VTA1: variants seen among roughly 807,000 people sequenced by gnomAD.
VTA1 encodes vacuolar protein sorting-associated protein VTA1 homolog.
A neutral mutation model predicts 36.9 loss-of-function variants in VTA1; 24 were observed. That is an observed-to-expected ratio of 0.65 (90% confidence interval 0.47 to 0.91). The LOEUF is 0.91. Among genes scored for constraint, VTA1 ranks in the 40% least tolerant of loss-of-function variants. VTA1 has a pLI of 0.00. For synonymous variants in VTA1, 142 were observed against 130.2 expected (o/e 1.09, Z -0.62); for missense variants, 393 against 377.2 (o/e 1.04, Z -0.35).
chr6:142,215,265 C>T (rs560391813), intron 7 of VTA1, among the ~76,000 whole-genome samples: 134 of 151,916 alleles, frequency 8.8e-4, no homozygotes, highest in Non-Finnish European at 1.5e-3. Flanking sequence ...GGTGAAACCC[C>T]GTCTCTACTA....
At chr6:142,171,434 T>A (rs1775027965) in intron 4 of VTA1, among the ~76,000 whole-genome samples, 1 of 152,182 alleles carries the variant, frequency 6.6e-6, no homozygotes, top group Non-Finnish European at 1.5e-5. Context: ...TCTGTTTAAT[T>A]TCTAGTCAGC....
At chr6:142,171,943 T>C (rs909295803) in intron 4 of VTA1, among the ~76,000 whole-genome samples, 9 of 152,188 alleles carry the variant, frequency 5.9e-5, no homozygotes, top group Non-Finnish European at 1.0e-4. Context: ...CTAAGCTTGA[T>C]GAGTATAAGC....
intron 6 of VTA1, 37 bp downstream of exon 6, chr6:142,198,652 C>CT (rs1016013582): frequency 6.5e-7 from 1 of 1,550,340 alleles, no homozygotes; most frequent in African/African-American, 1.4e-5. Flanking sequence ...TTTAATTCCC[C>CT]TTTTATAAAG....
In VTA1 at chr6:142,218,518, G is replaced by C; in HGVS notation, c.799G>C (p.Glu267Gln). The change falls in exon 8 of 8, where the codon GAA becomes CAA. Residue 267 changes from glutamate (E) to glutamine (Q), a missense_variant. Glu to Gln is a conservative substitution (Grantham distance 29). Transcript: ENST00000367630. ...ISQGDVRLTPEDFARAQKYCK... is the reference protein window; with the variant it reads ...ISQGDVRLTPQDFARAQKYCK... ...TCTAGGGGATGTTCGTCTAACCCCA[G>C]AAGACTTTGCTAGAGCTCAGAAGTA... 1 of 1,613,374 alleles carries C rather than the reference G, an allele frequency of 6.2e-7. No homozygotes were observed. Among genetic ancestry groups the C allele is most frequent in the Non-Finnish European group, 8.5e-7 (1 of 1,179,670 alleles).
chr6:142,199,156 T>TAG (rs1775629316), intron 6 of VTA1, among the ~76,000 whole-genome samples: 1 of 152,030 alleles, frequency 6.6e-6, no homozygotes, highest in Non-Finnish European at 1.5e-5. Context: ...TTTTTAACCT[T>TAG]ACACTTTAAA....
chr6:142,209,208 C>G (rs559406147), intron 7 of VTA1, among the ~76,000 whole-genome samples: 100 of 152,082 alleles, frequency 6.6e-4, no homozygotes, highest in Non-Finnish European at 1.2e-3. Context: ...GATACAGAAT[C>G]AACATACAAA....
chr6:142,187,022 T>C (rs1213915694), intron 4 of VTA1, among the ~76,000 whole-genome samples: 2 of 152,152 alleles, frequency 1.3e-5, no homozygotes, highest in African/African-American at 4.8e-5. Context: ...AGATAATTAT[T>C]ACTAAATAAA....
At position 142,189,598 on chromosome 6, in the gene VTA1, CAA is replaced by C. The variant is rs889552342; in HGVS notation, c.520+66_520+67del. 3.0e-6 allele frequency: 4 copies of C among 1,331,494 alleles called. No individual in the cohort carries two copies. In the South Asian group the frequency reaches 5.2e-5, roughly 17 times the overall value. 82.5% of individuals were successfully genotyped at this position (1,331,494 alleles called of 1,614,324 possible). On this transcript the variant is annotated intron_variant, in intron 5 of 7. Coordinates refer to ENST00000367630, the MANE Select transcript of VTA1 (RefSeq NM_016485.5). ...AATCATAATTATTCAGTAGATTACTCAAAGTTTTTGGAGGGAACAATACAGTT... is the reference window on the plus strand; with the variant it reads ...AATCATAATTATTCAGTAGATTACTCAGTTTTTGGAGGGAACAATACAGTT...
At chr6:142,178,223 G>T (rs1387799720) in intron 4 of VTA1, among the ~76,000 whole-genome samples, 1 of 152,098 alleles carries the variant, frequency 6.6e-6, no homozygotes, top group Non-Finnish European at 1.5e-5. Flanking sequence ...ACAGTGTTGT[G>T]AGGGATAGCT....
chr6:142,160,010 T>A (rs1389607255), intron 1 of VTA1, among the ~76,000 whole-genome samples: 3 of 152,198 alleles, frequency 2.0e-5, no homozygotes, highest in African/African-American at 7.2e-5. Flanking sequence ...GATCACATTT[T>A]CCTATCTGTT....
intron 4 of VTA1, among the ~76,000 whole-genome samples, chr6:142,187,744 A>T (rs1389211994): frequency 6.6e-6 from 1 of 152,126 alleles, no homozygotes; most frequent in Non-Finnish European, 1.5e-5. Flanking sequence ...AATGTGATAC[A>T]AATTTAGTAA....
intron 4 of VTA1, among the ~76,000 whole-genome samples, chr6:142,184,125 A>G (rs947183191): frequency 6.6e-6 from 1 of 152,204 alleles, no homozygotes; most frequent in Non-Finnish European, 1.5e-5. Flanking sequence ...TACTTGTAAA[A>G]TAGTTTTCTT....
intron 7 of VTA1, among the ~76,000 whole-genome samples, chr6:142,209,013 A>G (rs1451746689): frequency 6.6e-6 from 1 of 152,180 alleles, no homozygotes; most frequent in Non-Finnish European, 1.5e-5. Flanking sequence ...AGTATAGAGA[A>G]TAGAGCAATT....
At chr6:142,164,338 C>T (rs781292785) in intron 1 of VTA1, among the ~76,000 whole-genome samples, 20 of 151,816 alleles carry the variant, frequency 1.3e-4, no homozygotes, top group South Asian at 2.1e-4. Flanking sequence ...AAGTGCACTA[C>T]GCTGGTAGTG....
rs1562256949 is a variant in VTA1 at position 142,163,850 on chromosome 6, ATTAT to A, written c.113-2373_113-2370del. Among the ~76,000 whole-genome samples the A allele has an allele frequency of 3.3e-5, 5 of 152,306 alleles. No individual in the cohort carries two copies. The South Asian group carries it at 1.0e-3, about 32-fold the overall frequency. ...TACAAATCTGCAATATGTTATGTAA[ATTAT>A]TTATGAATTACATTTACATATTGAT... On this transcript the variant is annotated intron_variant, in intron 1 of 7. Transcript: ENST00000367630.
chr6:142,208,085 CAAAAA>C (rs567010868), intron 7 of VTA1, among the ~76,000 whole-genome samples: 85 of 99,484 alleles, frequency 8.5e-4, no homozygotes, highest in African/African-American at 2.3e-3. Flanking sequence ...AGACTTCCAT[CAAAAA>C]AAAAAAAAAA....
At chr6:142,216,015 A>G (rs961473171) in intron 7 of VTA1, among the ~76,000 whole-genome samples, 6 of 152,086 alleles carry the variant, frequency 3.9e-5, no homozygotes, top group African/African-American at 9.7e-5. Flanking sequence ...TTATAAGCTA[A>G]GATTTCAGAA....
Position 142,170,326 on chromosome 6 carries a change from C to CG in VTA1, c.336-19dup, listed in dbSNP as rs11446143. 1,567,374 of 1,567,444 alleles carry CG rather than the reference C, an allele frequency of 1. 783,652 individuals carry two copies. The highest frequency in any genetic ancestry group is 1 in the Middle Eastern group (5,592 of 5,592). On this transcript the variant is annotated intron_variant, in intron 3 of 7. Transcript: ENST00000367630. Reference sequence around the variant, plus strand: ...AATGTGTTTCATATTTAAACTAGACCGCTCTCTTTTCTCTTCCAGAAACAT... The same window carrying CG: ...AATGTGTTTCATATTTAAACTAGACCGGCTCTCTTTTCTCTTCCAGAAACAT...
chr6:142,209,592 T>C (rs1775860405), intron 7 of VTA1, among the ~76,000 whole-genome samples: 2 of 148,154 alleles, frequency 1.3e-5, no homozygotes, highest in South Asian at 4.3e-4. Context: ...TTCTGTTGAA[T>C]GTAATACAAA....
Sources: allele counts gnomAD v4.1 joint callset (sites outside exome capture counted in the v4.1 genomes callset), GRCh38; gene constraint gnomAD v4.1.1; transcripts MANE v1.5; gene names NCBI Gene and HGNC (gene_info 2026-07-23, HGNC 2026-07-21).